TRERF1: variants seen among roughly 807,000 people sequenced by gnomAD.
The protein encoded by TRERF1 is transcriptional regulating factor 1.
Under a neutral mutation model 122.9 loss-of-function variants are expected in TRERF1, and 27 were observed. That is an observed-to-expected ratio of 0.22 (90% confidence interval 0.16 to 0.30). The LOEUF is 0.30. Ranked by LOEUF, TRERF1 falls within the 10% of genes least tolerant of loss-of-function variation. The probability of loss-of-function intolerance (pLI) is 1.00; values close to 1 mark genes in which losing one functional copy is unlikely to be tolerated. For synonymous variants in TRERF1, 636 were observed against 641.7 expected, an observed-to-expected ratio of 0.99 and a Z score of 0.13; for missense variants, 1,248 against 1,560.3, an observed-to-expected ratio of 0.80 and a Z score of 3.37.
chr6:42,343,663 C>G (rs897735757), intron 3 of TRERF1, among the ~76,000 whole-genome samples: 2 of 152,078 alleles, frequency 1.3e-5, no homozygotes, highest in Non-Finnish European at 1.5e-5. Flanking sequence ...AGGCTGCAGC[C>G]AAGAGAACTT....
At chr6:42,313,299 T>C (rs1761973114) in intron 3 of TRERF1, among the ~76,000 whole-genome samples, 1 of 152,168 alleles carries the variant, frequency 6.6e-6, no homozygotes, top group Admixed American at 6.5e-5. Context: ...ATGAAGCTCC[T>C]GTATTCATAT....
At chr6:42,245,100 C>G (rs6941492) in intron 14 of TRERF1, among the ~76,000 whole-genome samples, 29,936 of 152,186 alleles carry the variant, frequency 0.2, 3,267 homozygotes, top group African/African-American at 0.29. Flanking sequence ...TCCCAGAGAG[C>G]CCTGGGTTAA....
chr6:42,240,883 C>CTGTTTTT (rs1353224691), intron 15 of TRERF1, among the ~76,000 whole-genome samples: 2 of 151,390 alleles, frequency 1.3e-5, no homozygotes, highest in African/African-American at 4.8e-5. Flanking sequence ...GGAGAGCATA[C>CTGTTTTT]TGTTTTTTGT....
intron 3 of TRERF1, among the ~76,000 whole-genome samples, chr6:42,319,852 A>G (rs1402094755): frequency 6.6e-6 from 1 of 151,040 alleles, no homozygotes; most frequent in East Asian, 1.9e-4. Context: ...ATAGACATAT[A>G]ATAATATAAT....
At position 42,440,240 on chromosome 6, in the gene TRERF1, G is replaced by A. The variant is rs529164328; in HGVS notation, c.-454+10937C>T. ...TTGCAGCTCTAGATATTTTGCTGAG[G>A]TTCTTAGAGTCTAGAGGTCTGTACA... On this transcript the variant is annotated intron_variant, in intron 2 of 17. Coordinates refer to ENST00000372922, the Ensembl canonical transcript of TRERF1. Among the ~76,000 whole-genome samples the A allele has an allele frequency of 3.3e-5, 5 of 152,128 alleles. No homozygotes were observed. In the South Asian group the frequency reaches 1.0e-3, roughly 32 times the overall value.
intron 2 of TRERF1, among the ~76,000 whole-genome samples, chr6:42,376,824 A>T (rs181461212): frequency 6.6e-6 from 1 of 151,760 alleles, no homozygotes; most frequent in Non-Finnish European, 1.5e-5. Flanking sequence ...TACAGGCGTG[A>T]GCCACCGCAC....
At position 42,277,903 on chromosome 6, in the gene TRERF1, A is replaced by AGGAAGAGGAAG. The variant is rs1554141662; in HGVS notation, c.-258-8056_-258-8055insCTTCCTCTTCC. On this transcript the variant is annotated intron_variant, in intron 4 of 17. Coordinates refer to ENST00000372922, the Ensembl canonical transcript of TRERF1. ...GAAGAAGGAAGAAGGAAGAAGGAAG[A>AGGAAGAGGAAG]AGGAAGAAGAAGAAGAAGAAGAAGA... 1.7e-3 allele frequency among the ~76,000 whole-genome samples: 161 copies of AGGAAGAGGAAG among 93,582 alleles called. 9 individuals are homozygous for AGGAAGAGGAAG. The highest frequency in any genetic ancestry group is 4.3e-3 in the South Asian group (13 of 3,044). The allele number at this position is 93,582 out of a possible 152,430, so 61.4% of individuals were successfully genotyped here. A position where few individuals can be genotyped will look rare whatever the true frequency, so the allele number is the denominator to read the frequency against.
At chr6:42,397,338 G>A (rs144754668) in intron 2 of TRERF1, among the ~76,000 whole-genome samples, 16 of 152,266 alleles carry the variant, frequency 1.1e-4, no homozygotes, top group Middle Eastern at 3.4e-3. Flanking sequence ...GGTTAGAGGG[G>A]TCAAATGACA....
intron 3 of TRERF1, among the ~76,000 whole-genome samples, chr6:42,354,776 A>G (rs10485116): frequency 0.089 from 13,600 of 152,172 alleles, 1,088 homozygotes; most frequent in East Asian, 0.42. Context: ...TTAATACCTC[A>G]TAGTGCTATA....
chr6:42,228,446 G>A lies in TRERF1; in HGVS notation c.3502C>T (p.Gln1168Ter). 6.2e-7 allele frequency: 1 copy of A among 1,614,162 alleles called. No homozygotes were observed. Among genetic ancestry groups the A allele is most frequent in the Non-Finnish European group, 8.5e-7 (1 of 1,180,036 alleles). ...TCTTCCATGACACCTCCCAACTGCT[G>A]GACGACGTCGTCGTCGAGGATGTCC... Residue 1168 changes from glutamine (Q) to a stop codon, truncating the protein, a stop_gained, in exon 18 of 18, where the codon CAG becomes TAG. Coordinates refer to ENST00000372922, the Ensembl canonical transcript of TRERF1. LOFTEE classifies it high-confidence loss of function. The surrounding 1 kb of genome is among the most constrained non-coding windows in gnomAD (Gnocchi z 4.2).
chr6:42,327,216 G>C (rs1764439726), intron 3 of TRERF1, among the ~76,000 whole-genome samples: 1 of 152,218 alleles, frequency 6.6e-6, no homozygotes, highest in South Asian at 2.1e-4. Flanking sequence ...CCCAGAATAA[G>C]TATACCCAGT....
chr6:42,227,233 A>G (rs949687209), exon 18 of TRERF1: 1 of 152,188 alleles, frequency 6.6e-6, no homozygotes, highest in Non-Finnish European at 1.5e-5. Flanking sequence ...TTGGCCTTCA[A>G]TGCTATTTGT....
chr6:42,360,615 T>C (rs1771519474), intron 3 of TRERF1, among the ~76,000 whole-genome samples: 1 of 151,854 alleles, frequency 6.6e-6, no homozygotes, highest in East Asian at 1.9e-4. Flanking sequence ...ATGGTGGATG[T>C]CAGCTGCGGC....
intron 2 of TRERF1, among the ~76,000 whole-genome samples, chr6:42,436,808 AAAAAAAAT>A (rs1271543347): frequency 2.9e-5 from 3 of 103,224 alleles, no homozygotes; most frequent in African/African-American, 1.0e-4. Flanking sequence ...TACAAAAAAA[AAAAAAAAT>A]ATATATATAT....
Position 42,269,842 on chromosome 6 carries a change from C to T in TRERF1, c.-252G>A, listed in dbSNP as rs565230156. On this transcript the variant is annotated 5_prime_UTR_variant, in exon 5 of 18. Coordinates refer to ENST00000372922, the Ensembl canonical transcript of TRERF1. The surrounding 1 kb of genome is among the most constrained non-coding windows in gnomAD (Gnocchi z 4.9). ...ACAGCACTGTGGTGAGGAGACGTCG[C>T]TCACACCTGCAAGGCAAGATGCAAA... The T allele has an allele frequency of 1.8e-5, 16 of 910,626 alleles. No individual in the cohort carries two copies. The highest frequency in any genetic ancestry group is 3.6e-5 in the Admixed American group (1 of 28,012). 56.4% of individuals were successfully genotyped at this position (910,626 alleles called of 1,614,324 possible). A position where few individuals can be genotyped will look rare whatever the true frequency, so the allele number is the denominator to read the frequency against.
chr6:42,256,280 C>T (rs975566695), intron 12 of TRERF1, among the ~76,000 whole-genome samples: 5 of 151,976 alleles, frequency 3.3e-5, no homozygotes, highest in Non-Finnish European at 5.9e-5. Context: ...GAACAGTAAA[C>T]ACTTTATTTT....
At chr6:42,253,826 G>A (rs758563335) in intron 13 of TRERF1, among the ~76,000 whole-genome samples, 8 of 152,170 alleles carry the variant, frequency 5.3e-5, no homozygotes, top group African/African-American at 1.2e-4. Flanking sequence ...TGGGCTGCCC[G>A]GACTAAAGAT....
rs1171107973 is a variant in TRERF1, at chr6:42,268,917, T to G, written c.674A>C (p.Gln225Pro). ...ATACAGGTGCCCTTGGGTAGGGTGC[T>G]GCCCGACCTGAAGAGCTGGTTTGGA... Residue 225 changes from glutamine to proline, a missense_variant, in exon 5 of 18, where the codon CAG (glutamine) becomes CCG (proline). By Grantham distance (76) the Gln-to-Pro change is moderately conservative. Transcript: ENST00000372922. This position sits in a 1 kb window ranked among gnomAD's most constrained non-coding sequence, Gnocchi z 4.4. 2 of 1,613,008 alleles carry G rather than the reference T, an allele frequency of 1.2e-6. No individual in the cohort carries two copies. Among genetic ancestry groups the G allele is most frequent in the Non-Finnish European group, 1.7e-6 (2 of 1,179,148 alleles).
In TRERF1 at chr6:42,448,609, C is replaced by T. The variant is rs260243; in HGVS notation, c.-454+2568G>A. Among the ~76,000 whole-genome samples the T allele has an allele frequency of 7.3e-3, 1,105 of 152,296 alleles. 12 individuals carry two copies. The highest frequency in any genetic ancestry group is 0.025 in the African/African-American group (1,028 of 41,562). On this transcript the variant is annotated intron_variant, in intron 2 of 17. Coordinates refer to ENST00000372922, the Ensembl canonical transcript of TRERF1. ...AGACTGTCAAGACCTCTGGAGACCT[C>T]GCTTACAAGACACAGAATTTCAGAG...
Sources: gnomAD v4.1 joint callset for allele counts (sites outside exome capture counted in the v4.1 genomes callset) on GRCh38, gnomAD v4.1.1 for gene constraint, Gnocchi (gnomAD v3.1) non-coding constraint, MANE v1.5 for transcripts, NCBI Gene and HGNC (gene_info 2026-07-23, HGNC 2026-07-21) for gene names.